Variants in PCOLCE2 observed in about 807,000 individuals in gnomAD.
PCOLCE2 encodes the protein procollagen C-endopeptidase enhancer 2.
In PCOLCE2, 42 loss-of-function variants were observed where a neutral mutation model predicts 47.0. That is an observed-to-expected ratio of 0.89 (90% confidence interval 0.70 to 1.16). The LOEUF (loss-of-function observed/expected upper bound fraction) is 1.16. PCOLCE2 is among the 50% of genes most tolerant of loss of function. The probability of loss-of-function intolerance (pLI) is 0.00; values close to 1 mark genes in which losing one functional copy is unlikely to be tolerated. For synonymous variants in PCOLCE2, 169 were observed against 191.7 expected (o/e 0.88, Z 0.98); for missense variants, 500 against 526.1 (o/e 0.95, Z 0.49).
At chr3:142,865,866 A>G (rs370613586) in intron 2 of PCOLCE2, among the ~76,000 whole-genome samples, 19 of 152,220 alleles carry the variant, frequency 1.2e-4, no homozygotes, top group African/African-American at 4.6e-4. Context: ...TCTTTTTAAA[A>G]AAGTAGTTCA....
intron 6 of PCOLCE2, chr3:142,827,653 C>T (rs1937098534): frequency 2.7e-6 from 4 of 1,454,816 alleles, no homozygotes; most frequent in Non-Finnish European, 3.9e-6. Context: ...AAAGCTCCGT[C>T]CGCTTCTTAA....
chr3:142,887,854 T>C lies in PCOLCE2; in HGVS notation c.84-77A>G, dbSNP rs556043598. ...ATCTGATGTTACCTTCAGAAAGGTG[T>C]AGCCTATTAATATAAATAAAAGTTA... On this transcript the variant is annotated intron_variant, in intron 1 of 8. Coordinates refer to ENST00000295992, the MANE Select transcript of PCOLCE2 (RefSeq NM_013363.4). 26 of 784,000 alleles carry C rather than the reference T, an allele frequency of 3.3e-5. No homozygotes were observed. In the South Asian group the frequency reaches 4.0e-4, roughly 12 times the overall value. The allele number at this position is 784,000 out of a possible 1,614,324, so 48.6% of individuals were successfully genotyped here.
At chr3:142,878,152 T>C (rs114122738) in intron 2 of PCOLCE2, among the ~76,000 whole-genome samples, 132 of 152,264 alleles carry the variant, frequency 8.7e-4, no homozygotes, top group African/African-American at 3.0e-3. Context: ...TTGAAAACAC[T>C]ATTTTATTAT....
chr3:142,824,814 G>A (rs1937055788), intron 6 of PCOLCE2, among the ~76,000 whole-genome samples: 1 of 152,020 alleles, frequency 6.6e-6, no homozygotes, highest in Non-Finnish European at 1.5e-5. Context: ...TTTTAGTAGA[G>A]ATTTCATTTC....
chr3:142,870,468 G>T (rs1933367610), intron 2 of PCOLCE2, among the ~76,000 whole-genome samples: 1 of 152,158 alleles, frequency 6.6e-6, no homozygotes, highest in South Asian at 2.1e-4. Flanking sequence ...TTTCTCTGAA[G>T]AGTGAAGAAA....
At chr3:142,881,238 C>A (rs1933604662) in intron 2 of PCOLCE2, among the ~76,000 whole-genome samples, 1 of 152,144 alleles carries the variant, frequency 6.6e-6, no homozygotes, top group African/African-American at 2.4e-5. Flanking sequence ...TTGTGTGCTA[C>A]CCTTTGTATA....
chr3:142,840,943 C>T (rs1441797887), intron 4 of PCOLCE2, among the ~76,000 whole-genome samples: 1 of 151,942 alleles, frequency 6.6e-6, no homozygotes, highest in Admixed American at 6.6e-5. Context: ...GGCATGGTGG[C>T]GGGTTCCTGT....
At chr3:142,869,785 C>G (rs559337390) in intron 2 of PCOLCE2, among the ~76,000 whole-genome samples, 1 of 152,154 alleles carries the variant, frequency 6.6e-6, no homozygotes, top group Admixed American at 6.5e-5. Flanking sequence ...CTTTCTGGAC[C>G]GAACCAATGT....
At chr3:142,829,923 T>C in intron 5 of PCOLCE2, 77 bp from the exon 6 acceptor site, 1 of 767,824 alleles carries the variant, frequency 1.3e-6, no homozygotes, top group South Asian at 2.3e-5. Context: ...TTTCTAGTTT[T>C]CCATTAACTT....
chr3:142,865,180 C>A (rs914456587), intron 2 of PCOLCE2, among the ~76,000 whole-genome samples: 1 of 151,154 alleles, frequency 6.6e-6, no homozygotes, highest in Non-Finnish European at 1.5e-5. Flanking sequence ...TTAAAGTCAT[C>A]CTAATGGGTA....
intron 5 of PCOLCE2, among the ~76,000 whole-genome samples, chr3:142,834,777 A>G (rs1004541846): frequency 3.9e-5 from 6 of 152,066 alleles, no homozygotes; most frequent in African/African-American, 1.4e-4. Context: ...ATTGGTCTCT[A>G]ATATTATTTT....
intron 2 of PCOLCE2, among the ~76,000 whole-genome samples, chr3:142,868,599 C>T (rs1933326720): frequency 6.6e-6 from 1 of 152,156 alleles, no homozygotes; most frequent in South Asian, 2.1e-4. Flanking sequence ...GCTACCTGCT[C>T]CGCCCTGACT....
intron 2 of PCOLCE2, among the ~76,000 whole-genome samples, chr3:142,857,395 G>C (rs1933083792): frequency 6.6e-6 from 1 of 152,176 alleles, no homozygotes; most frequent in South Asian, 2.1e-4. Flanking sequence ...ATTTAGCCAT[G>C]TGTTCAAGGA....
intron 5 of PCOLCE2, among the ~76,000 whole-genome samples, chr3:142,834,215 C>T (rs923857803): frequency 6.6e-6 from 1 of 152,184 alleles, no homozygotes; most frequent in South Asian, 2.1e-4. Flanking sequence ...AGGTTCCATA[C>T]ATGGTAAAGC....
intron 5 of PCOLCE2, among the ~76,000 whole-genome samples, chr3:142,834,463 C>T (rs1937181875): frequency 6.6e-6 from 1 of 152,102 alleles, no homozygotes; most frequent in South Asian, 2.1e-4. Flanking sequence ...CTATTAAGCA[C>T]ATTTTTATAC....
intron 6 of PCOLCE2, chr3:142,827,541 C>T (rs1937096988): frequency 2.7e-6 from 4 of 1,479,420 alleles, no homozygotes; most frequent in South Asian, 1.1e-5. Flanking sequence ...ACGATCATAC[C>T]CTCAGGCATG....
At chr3:142,823,458 G>A (rs1353120113) in intron 7 of PCOLCE2, 74 bp downstream of exon 7, 1 of 871,544 alleles carries the variant, frequency 1.1e-6, no homozygotes, top group Non-Finnish European at 1.9e-6. Flanking sequence ...TAAATTCATA[G>A]GAATTCCTTT....
chr3:142,858,618 G>A (rs1933117277), intron 2 of PCOLCE2, among the ~76,000 whole-genome samples: 1 of 152,152 alleles, frequency 6.6e-6, no homozygotes, highest in African/African-American at 2.4e-5. Flanking sequence ...GTAAGTGGGG[G>A]GGTCCCACTA....
intron 2 of PCOLCE2, among the ~76,000 whole-genome samples, chr3:142,871,132 T>C (rs2108208004): frequency 6.6e-6 from 1 of 152,340 alleles, no homozygotes; most frequent in East Asian, 1.9e-4. Context: ...CATTCTTGAC[T>C]CCTCTTTTTT....
Sources: allele counts gnomAD v4.1 joint callset (sites outside exome capture counted in the v4.1 genomes callset), GRCh38; gene constraint gnomAD v4.1.1; transcripts MANE v1.5; gene names NCBI Gene and HGNC (gene_info 2026-07-23, HGNC 2026-07-21).